The following SLC35F3 variants were observed in gnomAD, a reference collection of about 807,000 sequenced individuals.
SLC35F3 encodes solute carrier family 35 member F3.
Under a neutral mutation model 49.9 loss-of-function variants are expected in SLC35F3, and 25 were observed. The observed-to-expected ratio is 0.50, with a 90% CI of 0.37 to 0.70. SLC35F3 has a LOEUF of 0.70. Ranked by LOEUF, SLC35F3 falls within the 30% of genes least tolerant of loss-of-function variation. SLC35F3 has a pLI of 0.00. For missense variants in SLC35F3, 525 were observed against 639.8 expected, an observed-to-expected ratio of 0.82 and a Z score of 1.94; for synonymous variants, 275 against 265.4, an observed-to-expected ratio of 1.04 and a Z score of -0.35.
At chr1:233,969,098 T>C (rs1407521431) in intron 2 of SLC35F3, among the ~76,000 whole-genome samples, 1 of 151,816 alleles carries the variant, frequency 6.6e-6, no homozygotes, top group Non-Finnish European at 1.5e-5. Context: ...ACATAGAGTA[T>C]ACACATTTCA....
At chr1:234,223,252 G>A (rs1208299127) in intron 2 of SLC35F3, among the ~76,000 whole-genome samples, 5 of 152,260 alleles carry the variant, frequency 3.3e-5, no homozygotes, top group Non-Finnish European at 7.4e-5. Flanking sequence ...TAGAAATGCC[G>A]ATTTAGGTGT....
chr1:233,966,116 G>A (rs1350421421), intron 2 of SLC35F3, among the ~76,000 whole-genome samples: 6 of 152,256 alleles, frequency 3.9e-5, no homozygotes, highest in Non-Finnish European at 7.3e-5. Flanking sequence ...TGGTCTTCCA[G>A]TAAGTTATTT....
intron 2 of SLC35F3, among the ~76,000 whole-genome samples, chr1:234,109,628 T>G (rs911033054): frequency 3.3e-5 from 5 of 152,186 alleles, no homozygotes; most frequent in Non-Finnish European, 7.3e-5. Flanking sequence ...TTCAATTCAG[T>G]GAACACTTAG....
In SLC35F3 at chr1:234,054,718, G is replaced by A. The variant is rs544125238; in HGVS notation, c.283+148960G>A. ...TGCGTTCCTTTGGAGGAGAAGAGGC[G>A]CTCTGATTTTTAGAATTTTCAGCTT... On this transcript the variant is annotated intron_variant, in intron 2 of 7. Coordinates refer to ENST00000366618, the MANE Select transcript of SLC35F3 (RefSeq NM_173508.4). 1.8e-4 allele frequency among the ~76,000 whole-genome samples: 28 copies of A among 152,246 alleles called. No homozygotes were observed. In the South Asian group the frequency reaches 4.6e-3, roughly 25 times the overall value.
chr1:234,104,456 AAAGATTACACTGAGT>A (rs1254712283), intron 2 of SLC35F3, among the ~76,000 whole-genome samples: 1 of 152,138 alleles, frequency 6.6e-6, no homozygotes, highest in East Asian at 1.9e-4. Flanking sequence ...GCAAAAGATA[AAAGATTACACTGAGT>A]AGGCCTTTAA....
rs1013764281 is a variant in SLC35F3, at chr1:234,214,178, G to A, written c.284-17239G>A. 24 of 1,100,350 alleles carry A rather than the reference G, an allele frequency of 2.2e-5. No homozygotes were observed. The highest frequency in any genetic ancestry group is 2.5e-5 in the Non-Finnish European group (23 of 904,466). The allele number at this position is 1,100,350 out of a possible 1,614,324, so 68.2% of individuals were successfully genotyped here. ...CCGGGGAGGAGGGCGGAGCAGGTGA[G>A]CTGCGGGGTGGGAGCAGGGAGTGCA... On this transcript the variant is annotated intron_variant, in intron 2 of 7. Coordinates refer to ENST00000366618, the MANE Select transcript of SLC35F3 (RefSeq NM_173508.4). This position sits in a 1 kb window ranked among gnomAD's most constrained non-coding sequence, Gnocchi z 8.0.
At chr1:234,141,188 A>C (rs974240370) in intron 2 of SLC35F3, among the ~76,000 whole-genome samples, 11 of 152,292 alleles carry the variant, frequency 7.2e-5, no homozygotes, top group Admixed American at 3.9e-4. Flanking sequence ...TATTACCATA[A>C]GAAGGTCTAT....
In SLC35F3 at chr1:234,265,244, A is replaced by G. The variant is rs1290913375; in HGVS notation, c.608+33503A>G. On this transcript the variant is annotated intron_variant, in intron 3 of 7. Transcript: ENST00000366618. ...AAACCCTTCATGTTCTATTCCTCTC[A>G]CAATCCTCCCCACCTTGAATTACAG... 2.6e-5 allele frequency among the ~76,000 whole-genome samples: 4 copies of G among 152,080 alleles called. No individual in the cohort carries two copies. In the East Asian group the frequency reaches 5.8e-4, roughly 22 times the overall value.
chr1:233,969,483 C>G (rs1662958168), intron 2 of SLC35F3, among the ~76,000 whole-genome samples: 1 of 152,160 alleles, frequency 6.6e-6, no homozygotes, highest in Non-Finnish European at 1.5e-5. Flanking sequence ...CTTAGTGTGG[C>G]CACCTCCTGT....
chr1:234,207,507 G>T (rs1271788928), intron 2 of SLC35F3, among the ~76,000 whole-genome samples: 1 of 9,324 alleles, frequency 1.1e-4, no homozygotes, highest in Non-Finnish European at 2.1e-4. Flanking sequence ...GAAAGATAAT[G>T]GTTAAGATCT....
chr1:233,947,655 G>C (rs779514274), intron 2 of SLC35F3, among the ~76,000 whole-genome samples: 4 of 149,796 alleles, frequency 2.7e-5, no homozygotes, highest in African/African-American at 4.9e-5. Flanking sequence ...TTCTATGATA[G>C]ACTTGCTTGC....
intron 2 of SLC35F3, among the ~76,000 whole-genome samples, chr1:233,929,706 G>T (rs1214517492): frequency 6.6e-6 from 1 of 152,160 alleles, no homozygotes; most frequent in Non-Finnish European, 1.5e-5. Flanking sequence ...AAGAGCCTGA[G>T]AATTTCTCTT....
chr1:233,973,691 G>C (rs1040164644), intron 2 of SLC35F3, among the ~76,000 whole-genome samples: 4 of 152,212 alleles, frequency 2.6e-5, no homozygotes, highest in African/African-American at 9.6e-5. Context: ...GGGAAGCAAG[G>C]CAGACACTTC....
intron 2 of SLC35F3, among the ~76,000 whole-genome samples, chr1:234,085,892 T>C (rs1260568866): frequency 6.6e-6 from 1 of 151,978 alleles, no homozygotes; most frequent in African/African-American, 2.4e-5. Flanking sequence ...TGGTCCTCAG[T>C]TGAGAAATCA....
In SLC35F3 at chr1:234,236,309, G is replaced by A. The variant is rs531888744; in HGVS notation, c.608+4568G>A. On this transcript the variant is annotated intron_variant, in intron 3 of 7. Transcript: ENST00000366618. ...TACTAAAAATTAGCCAGGCGTGATG[G>A]TGCACCTGTAGTCCCAGCTACTCAG... Among the ~76,000 whole-genome samples the A allele has an allele frequency of 5.9e-4, 90 of 152,090 alleles. 1 individual carries two copies. The highest frequency in any genetic ancestry group is 2.5e-4 in the Non-Finnish European group (17 of 67,986).
chr1:234,087,434 G>A (rs1664977693), intron 2 of SLC35F3, among the ~76,000 whole-genome samples: 1 of 152,194 alleles, frequency 6.6e-6, no homozygotes, highest in South Asian at 2.1e-4. Context: ...CATACTTACA[G>A]AGGGGCACAG....
intron 3 of SLC35F3, among the ~76,000 whole-genome samples, chr1:234,302,165 G>T (rs1350769529): frequency 8.7e-5 from 13 of 149,604 alleles, no homozygotes; most frequent in East Asian, 1.9e-4. Flanking sequence ...TGTTGTTGTT[G>T]TTGTTTTTTT....
chr1:234,196,548 A>G (rs1204408898), intron 2 of SLC35F3, among the ~76,000 whole-genome samples: 1 of 152,142 alleles, frequency 6.6e-6, no homozygotes, highest in Non-Finnish European at 1.5e-5. Flanking sequence ...ATCACCCAAC[A>G]TCCTTCTTTT....
At chr1:234,001,013 A>G (rs1663545113) in intron 2 of SLC35F3, among the ~76,000 whole-genome samples, 1 of 152,214 alleles carries the variant, frequency 6.6e-6, no homozygotes, top group Admixed American at 6.5e-5. Flanking sequence ...TACAAAGAGA[A>G]CTTGATCCGT....
Sources: allele counts gnomAD v4.1 joint callset (sites outside exome capture counted in the v4.1 genomes callset), GRCh38; gene constraint gnomAD v4.1.1; non-coding constraint Gnocchi (gnomAD v3.1); transcripts MANE v1.5; gene names NCBI Gene and HGNC (gene_info 2026-07-23, HGNC 2026-07-21).